Variants in PLCXD3 observed in about 807,000 individuals in gnomAD.
PLCXD3 encodes the protein PI-PLC X domain-containing protein 3.
A neutral mutation model predicts 25.5 loss-of-function variants in PLCXD3; 19 were observed. The ratio of observed to expected loss-of-function variants is 0.75; its 90% CI spans 0.52 to 1.09. The LOEUF is 1.09. Among genes scored for constraint, PLCXD3 ranks in the 50% least tolerant of loss-of-function variants. The pLI is 0.00. For missense variants in PLCXD3, 411 were observed against 388.1 expected, an observed-to-expected ratio of 1.06 and a Z score of -0.50; for synonymous variants, 174 against 137.6, an observed-to-expected ratio of 1.26 and a Z score of -1.85.
At chr5:41,419,437 A>G (rs1054067623) in intron 1 of PLCXD3, among the ~76,000 whole-genome samples, 1 of 152,208 alleles carries the variant, frequency 6.6e-6, no homozygotes, top group African/African-American at 2.4e-5. Flanking sequence ...GTGTTTTTCC[A>G]ATAGAAAACA....
chr5:41,382,125 G>A lies in PLCXD3; in HGVS notation c.513C>T (p.Cys171=), dbSNP rs534972623. ...MLKDIYGNKM[C]PAIFAQEVSL... ...TAACTTCCTGGGCAAAAATCGCTGG[G>A]CACATTTTATTTCCATAGATGTCTT... is the stretch of plus-strand genomic sequence containing the variant. The change falls in exon 2 of 3, where the codon TGC becomes TGT. Residue 171 remains cysteine (C), a synonymous_variant. Coordinates refer to ENST00000377801, the MANE Select transcript of PLCXD3 (RefSeq NM_001005473.3). The A allele has an allele frequency of 3.5e-5, 56 of 1,613,504 alleles. No homozygotes were observed. The highest frequency in any genetic ancestry group is 1.0e-4 in the Admixed American group (6 of 59,936).
chr5:41,313,997 C>T (rs2150467022), intron 2 of PLCXD3, among the ~76,000 whole-genome samples: 1 of 152,264 alleles, frequency 6.6e-6, no homozygotes, highest in South Asian at 2.1e-4. Context: ...CTCATCTCGG[C>T]AGATCCCAGA....
At position 41,401,948 on chromosome 5, in the gene PLCXD3, C is replaced by T. The variant is rs115086241; in HGVS notation, c.104-19414G>A. 5.2e-3 allele frequency among the ~76,000 whole-genome samples: 788 copies of T among 151,988 alleles called. 9 individuals carry two copies. The highest frequency in any genetic ancestry group is 0.018 in the African/African-American group (731 of 41,528). Reference sequence around the variant, plus strand: ...GCCTGTAGGATCTGGTGATGCCCCTCCTTCATTCCTGATGTTGGTTAATAT... The same window carrying T: ...GCCTGTAGGATCTGGTGATGCCCCTTCTTCATTCCTGATGTTGGTTAATAT... On this transcript the variant is annotated intron_variant, in intron 1 of 2. Coordinates refer to ENST00000377801, the MANE Select transcript of PLCXD3 (RefSeq NM_001005473.3).
chr5:41,427,578 C>G (rs1039233483), intron 1 of PLCXD3, among the ~76,000 whole-genome samples: 1 of 152,104 alleles, frequency 6.6e-6, no homozygotes, highest in Non-Finnish European at 1.5e-5. Flanking sequence ...TTTGTGGTTG[C>G]TAATGTTCCA....
intron 1 of PLCXD3, among the ~76,000 whole-genome samples, chr5:41,386,417 T>C (rs182925009): frequency 6.6e-6 from 1 of 152,236 alleles, no homozygotes; most frequent in Admixed American, 6.5e-5. Flanking sequence ...TTTCCAGTAG[T>C]ACTGGACTTA....
intron 1 of PLCXD3, among the ~76,000 whole-genome samples, chr5:41,417,457 G>A (rs972763504): frequency 1.4e-4 from 22 of 152,154 alleles, no homozygotes; most frequent in Non-Finnish European, 2.6e-4. Flanking sequence ...AGAAGGCTGG[G>A]AAAAAGTATT....
At chr5:41,424,232 TAA>T (rs1159545566) in intron 1 of PLCXD3, among the ~76,000 whole-genome samples, 2 of 152,174 alleles carry the variant, frequency 1.3e-5, no homozygotes, top group Non-Finnish European at 2.9e-5. Context: ...TTTTCTTTTC[TAA>T]TATATACATA....
At chr5:41,397,532 A>C (rs574015191) in intron 1 of PLCXD3, among the ~76,000 whole-genome samples, 2 of 152,188 alleles carry the variant, frequency 1.3e-5, no homozygotes, top group African/African-American at 4.8e-5. Context: ...GATAATCTGT[A>C]TGAGGGCAGT....
At chr5:41,375,055 G>A (rs1309233850) in intron 2 of PLCXD3, among the ~76,000 whole-genome samples, 5 of 152,018 alleles carry the variant, frequency 3.3e-5, no homozygotes, top group African/African-American at 1.2e-4. Flanking sequence ...GCAAGGAAAC[G>A]GCAAATTGGG....
chr5:41,493,014 TAG>T (rs928460704), intron 1 of PLCXD3, among the ~76,000 whole-genome samples: 1 of 152,268 alleles, frequency 6.6e-6, no homozygotes, highest in Admixed American at 6.5e-5. Flanking sequence ...CTCTGCTTTT[TAG>T]AGTTTCCAGT....
At chr5:41,368,855 C>T (rs319007) in intron 2 of PLCXD3, among the ~76,000 whole-genome samples, 2 of 152,080 alleles carry the variant, frequency 1.3e-5, no homozygotes, top group South Asian at 4.1e-4. Context: ...AGCTGACCAC[C>T]CTTTGCTAAC....
At chr5:41,422,479 T>C (rs963070736) in intron 1 of PLCXD3, among the ~76,000 whole-genome samples, 2 of 152,182 alleles carry the variant, frequency 1.3e-5, no homozygotes, top group African/African-American at 4.8e-5. Flanking sequence ...CCAAATTGCC[T>C]TGGCCAATCT....
intron 1 of PLCXD3, among the ~76,000 whole-genome samples, chr5:41,425,395 C>T (rs1746931887): frequency 6.6e-6 from 1 of 150,706 alleles, no homozygotes; most frequent in Non-Finnish European, 1.5e-5. Context: ...CCTGCTTCCC[C>T]AGTACATGCA....
intron 1 of PLCXD3, among the ~76,000 whole-genome samples, chr5:41,486,992 T>A (rs1304201830): frequency 2.6e-5 from 4 of 152,124 alleles, no homozygotes; most frequent in Non-Finnish European, 5.9e-5. Flanking sequence ...AACTTACAGA[T>A]AATTAGAATG....
At chr5:41,427,359 T>C (rs1031053795) in intron 1 of PLCXD3, among the ~76,000 whole-genome samples, 6 of 151,598 alleles carry the variant, frequency 4.0e-5, no homozygotes, top group South Asian at 2.1e-4. Context: ...CTGTGTCTAA[T>C]CTGCTATTTA....
chr5:41,360,311 T>A (rs1460524334), intron 2 of PLCXD3, among the ~76,000 whole-genome samples: 1 of 152,236 alleles, frequency 6.6e-6, no homozygotes, highest in African/African-American at 2.4e-5. Context: ...CTCTAGTGCC[T>A]CCTTGATTAG....
chr5:41,330,562 T>C (rs557223279), intron 2 of PLCXD3, among the ~76,000 whole-genome samples: 17 of 151,708 alleles, frequency 1.1e-4, no homozygotes, highest in African/African-American at 2.9e-4. Flanking sequence ...TTCCAATCAA[T>C]AGAAAAAAAG....
chr5:41,383,934 C>T (rs1745561285), intron 1 of PLCXD3, among the ~76,000 whole-genome samples: 1 of 151,836 alleles, frequency 6.6e-6, no homozygotes, highest in South Asian at 2.1e-4. Context: ...GTATATATAT[C>T]CATGTATCTC....
intron 2 of PLCXD3, among the ~76,000 whole-genome samples, chr5:41,353,145 T>A (rs1163230173): frequency 6.7e-6 from 1 of 148,884 alleles, no homozygotes; most frequent in East Asian, 2.0e-4. Context: ...CAGGCTGGAG[T>A]GCAGTGGCGC....
Sources: allele counts gnomAD v4.1 joint callset (sites outside exome capture counted in the v4.1 genomes callset), GRCh38; gene constraint gnomAD v4.1.1; transcripts MANE v1.5; gene names NCBI Gene and HGNC (gene_info 2026-07-23, HGNC 2026-07-21).